Variants in MAST2 observed in about 807,000 individuals in gnomAD.
MAST2 encodes the protein microtubule-associated serine/threonine-protein kinase 2.
A neutral mutation model predicts 147.4 loss-of-function variants in MAST2; 70 were observed. That is an observed-to-expected ratio of 0.47 (90% CI 0.39 to 0.58). The LOEUF (loss-of-function observed/expected upper bound fraction) is 0.58. Among genes scored for constraint, MAST2 ranks in the 20% least tolerant of loss-of-function variants. MAST2 has a pLI of 0.00. For missense variants in MAST2, 2,080 were observed against 2,302.3 expected (o/e 0.90, Z 1.98); for synonymous variants, 869 against 896.8 (o/e 0.97, Z 0.55).
intron 4 of MAST2, among the ~76,000 whole-genome samples, chr1:45,906,876 A>G (rs550323005): frequency 3.0e-5 from 4 of 134,176 alleles, no homozygotes; most frequent in African/African-American, 1.1e-4. Flanking sequence ...GCCCTATACA[A>G]GTGTACCATT....
intron 3 of MAST2, among the ~76,000 whole-genome samples, chr1:45,830,109 G>C (rs1437154156): frequency 6.7e-6 from 1 of 150,246 alleles, no homozygotes; most frequent in Non-Finnish European, 1.5e-5. Context: ...CTCCCTGCTC[G>C]GCCTCCCAAA....
chr1:46,016,728 G>A lies in MAST2; in HGVS notation c.1189-2868G>A, dbSNP rs573540335. ...CTCATGGGTAGGAAGAATCAATATC[G>A]TGAAAATGGCCATACTGCCCAAGGT... is the stretch of plus-strand genomic sequence containing the variant. On this transcript the variant is annotated intron_variant, in intron 10 of 28. Transcript: ENST00000361297. 2.0e-3 allele frequency among the ~76,000 whole-genome samples: 312 copies of A among 152,302 alleles called. 1 individual carries two copies. The highest frequency in any genetic ancestry group is 6.5e-3 in the African/African-American group (271 of 41,548).
chr1:45,893,847 T>C (rs1008509690), intron 4 of MAST2, among the ~76,000 whole-genome samples: 3 of 152,166 alleles, frequency 2.0e-5, no homozygotes, highest in African/African-American at 7.2e-5. Context: ...AACAAAATAT[T>C]AAACCTAATT....
chr1:45,812,486 G>A (rs113117837), intron 1 of MAST2, among the ~76,000 whole-genome samples: 29,033 of 149,638 alleles, frequency 0.19, 3,406 homozygotes, highest in Non-Finnish European at 0.26. Flanking sequence ...GGAGTACAGT[G>A]GTACCATCTT....
intron 1 of MAST2, 32 bp downstream of exon 1, chr1:45,804,104 C>T: frequency 2.4e-6 from 3 of 1,270,274 alleles, no homozygotes; most frequent in Non-Finnish European, 3.0e-6. Context: ...GAGGGTGAAC[C>T]TGAATGGAAG....
chr1:45,927,157 A>G (rs1176172552), intron 4 of MAST2, among the ~76,000 whole-genome samples: 1 of 152,188 alleles, frequency 6.6e-6, no homozygotes, highest in Non-Finnish European at 1.5e-5. Context: ...GACAGACATC[A>G]AGTACTTAAC....
chr1:45,938,108 G>A (rs1329828398), intron 4 of MAST2, among the ~76,000 whole-genome samples: 1 of 152,114 alleles, frequency 6.6e-6, no homozygotes, highest in Non-Finnish European at 1.5e-5. Context: ...TATACATGTA[G>A]CATATTCATT....
At chr1:45,964,351 T>A (rs1660863560) in intron 5 of MAST2, among the ~76,000 whole-genome samples, 1 of 152,148 alleles carries the variant, frequency 6.6e-6, no homozygotes, top group Non-Finnish European at 1.5e-5. Context: ...GGTCCTGGAC[T>A]TTTTTTGGTT....
At chr1:46,016,548 G>A (rs1290934741) in intron 10 of MAST2, among the ~76,000 whole-genome samples, 2 of 152,072 alleles carry the variant, frequency 1.3e-5, no homozygotes, top group African/African-American at 2.4e-5. Context: ...CAGACAAACA[G>A]CCAAATCATG....
chr1:45,973,383 T>C (rs976848742), intron 5 of MAST2, among the ~76,000 whole-genome samples: 1 of 152,208 alleles, frequency 6.6e-6, no homozygotes, highest in Non-Finnish European at 1.5e-5. Flanking sequence ...AATCTTTCTA[T>C]AGCTTGTGTC....
chr1:45,879,288 A>G (rs1178407030), intron 3 of MAST2, among the ~76,000 whole-genome samples: 2 of 152,168 alleles, frequency 1.3e-5, no homozygotes, highest in Non-Finnish European at 2.9e-5. Flanking sequence ...AAAAGGCTCT[A>G]CTGGCCTGGC....
intron 4 of MAST2, among the ~76,000 whole-genome samples, chr1:45,956,469 CA>C (rs1659676779): frequency 6.6e-6 from 1 of 152,176 alleles, no homozygotes; most frequent in African/African-American, 2.4e-5. Context: ...TATTTTTTCA[CA>C]AAATCCAGCA....
intron 5 of MAST2, among the ~76,000 whole-genome samples, chr1:45,987,834 A>G (rs1241840017): frequency 8.8e-6 from 1 of 113,998 alleles, no homozygotes; most frequent in Non-Finnish European, 1.6e-5. Flanking sequence ...ACCAAGTCTC[A>G]CTATGTTGCC....
At chr1:45,809,293 C>T (rs1644227331) in intron 1 of MAST2, among the ~76,000 whole-genome samples, 1 of 152,168 alleles carries the variant, frequency 6.6e-6, no homozygotes, top group African/African-American at 2.4e-5. Context: ...TCTTTATTCT[C>T]TGCTTCCGCA....
intron 3 of MAST2, among the ~76,000 whole-genome samples, chr1:45,854,354 AT>A (rs1199646835): frequency 7.1e-6 from 1 of 140,064 alleles, no homozygotes; most frequent in African/African-American, 2.7e-5. Context: ...AAAAAAAAAA[AT>A]TGGACATATT....
rs59944185 is a variant in MAST2 at position 45,883,912 on chromosome 1, G to GCCTCCCCCCCCCC, written c.500+1519_500+1520insTCCCCCCCCCCCC. Among the ~76,000 whole-genome samples the GCCTCCCCCCCCCC allele has an allele frequency of 1.6e-3, 4 of 2,506 alleles. 2 individuals are homozygous for GCCTCCCCCCCCCC. The highest frequency in any genetic ancestry group is 3.4e-3 in the African/African-American group (4 of 1,176). The allele number at this position is 2,506 out of a possible 152,430, so 1.6% of individuals were successfully genotyped here. A position where few individuals can be genotyped will look rare whatever the true frequency, so the allele number is the denominator to read the frequency against. Reference sequence around the variant, plus strand: ...ACTTGGTCATTTTTCTACTATTTCTGCCCCCCCCGCTTTTTTTTGGTTGCT... The same window carrying GCCTCCCCCCCCCC: ...ACTTGGTCATTTTTCTACTATTTCTGCCTCCCCCCCCCCCCCCCCCCGCTTTTTTTTGGTTGCT... On this transcript the variant is annotated intron_variant, in intron 4 of 28. Transcript: ENST00000361297.
At chr1:45,987,769 T>G (rs1178164584) in intron 5 of MAST2, among the ~76,000 whole-genome samples, 1 of 127,964 alleles carries the variant, frequency 7.8e-6, no homozygotes, top group African/African-American at 3.0e-5. Context: ...CTTGTTTTTT[T>G]TTTTTTGATT....
chr1:45,889,446 C>A (rs538426606), intron 4 of MAST2, among the ~76,000 whole-genome samples: 2 of 152,210 alleles, frequency 1.3e-5, no homozygotes, highest in South Asian at 4.2e-4. Flanking sequence ...CTCGGCCTTC[C>A]GAGGTGCTGA....
chr1:45,903,126 CTTTTTTTTT>C (rs34621764), intron 4 of MAST2, among the ~76,000 whole-genome samples: 9 of 79,322 alleles, frequency 1.1e-4, no homozygotes, highest in East Asian at 7.4e-4. Context: ...AAATTTTTGT[CTTTTTTTTT>C]TTTTTTTTTT....
Sources: gnomAD v4.1 joint callset for allele counts (sites outside exome capture counted in the v4.1 genomes callset) on GRCh38, gnomAD v4.1.1 for gene constraint, MANE v1.5 for transcripts, NCBI Gene and HGNC (gene_info 2026-07-23, HGNC 2026-07-21) for gene names.